CLTCL1: variants seen among roughly 807,000 people sequenced by gnomAD.
The protein encoded by CLTCL1 is clathrin heavy chain 2.
CLTCL1 carries 159 observed loss-of-function variants against 190.0 expected under a neutral mutation model. That is an observed-to-expected ratio of 0.84 (90% CI 0.74 to 0.95). The LOEUF is 0.95. Among genes scored for constraint, CLTCL1 ranks in the 40% least tolerant of loss-of-function variants. The pLI is 0.00. For missense variants in CLTCL1, 1,878 were observed against 2,033.4 expected (o/e 0.92, Z 1.47); for synonymous variants, 752 against 769.6 (o/e 0.98, Z 0.38).
intron 2 of CLTCL1, among the ~76,000 whole-genome samples, chr22:19,260,469 A>C (rs919623550): frequency 6.7e-6 from 1 of 148,732 alleles, no homozygotes; most frequent in Non-Finnish European, 1.5e-5. Context: ...AAAAATCCTA[A>C]GGCCCTTAAG....
chr22:19,233,483 C>G lies in CLTCL1; in HGVS notation c.1307G>C (p.Cys436Ser). 2 of 1,613,814 alleles carry G rather than the reference C, an allele frequency of 1.2e-6. 1 individual carries two copies. Among genetic ancestry groups the G allele is most frequent in the South Asian group, 2.2e-5 (2 of 91,062 alleles). Reference sequence around the variant, plus strand: ...ACGCCCCTGCTGAAGAACCAGATGGCAAAGTTCTAAGGATTCAAGTTTATT... The same window carrying G: ...ACGCCCCTGCTGAAGAACCAGATGGGAAAGTTCTAAGGATTCAAGTTTATT... Reference protein sequence around the residue: ...QLNKLESLELCHLVLQQGRKQ... With the variant: ...QLNKLESLELSHLVLQQGRKQ... Residue 436 changes from cysteine to serine, a missense_variant, in exon 8 of 33, where the codon TGC (cysteine) becomes TCC (serine). Transcript: ENST00000427926.
At chr22:19,181,926 G>A (rs2084153538) in intron 30 of CLTCL1, 1 of 152,242 alleles carries the variant, frequency 6.6e-6, no homozygotes, top group Non-Finnish European at 1.5e-5. Flanking sequence ...CCAAGGCTGT[G>A]CAGCCACAGT....
chr22:19,215,731 G>T (rs2085364550), intron 19 of CLTCL1, among the ~76,000 whole-genome samples: 1 of 152,178 alleles, frequency 6.6e-6, no homozygotes, highest in African/African-American at 2.4e-5. Flanking sequence ...GCCCAGATCT[G>T]GTTCTCCTGC....
At chr22:19,269,488 CAT>C (rs1345645946) in intron 2 of CLTCL1, among the ~76,000 whole-genome samples, 21 of 152,198 alleles carry the variant, frequency 1.4e-4, no homozygotes, top group Non-Finnish European at 2.6e-4. Flanking sequence ...CACATGCACA[CAT>C]ATGTTTATTG....
Position 19,275,564 on chromosome 22 carries a change from AG to A in CLTCL1, c.250+58del, listed in dbSNP as rs369861043. ...CTTAGTGACACTTGTTCAATATTTAAGGTAACAAAGCAGTTAAAATGAGGTA... is the reference window on the plus strand; with the variant it reads ...CTTAGTGACACTTGTTCAATATTTAAGTAACAAAGCAGTTAAAATGAGGTA... On this transcript the variant is annotated intron_variant, in intron 2 of 32. Coordinates refer to ENST00000427926, the MANE Select transcript of CLTCL1 (RefSeq NM_007098.4). 2.0e-6 allele frequency: 3 copies of A among 1,468,578 alleles called. No homozygotes were observed. In the African/African-American group the frequency reaches 4.2e-5, roughly 21 times the overall value. 91.0% of individuals were successfully genotyped at this position (1,468,578 alleles called of 1,614,324 possible). A position where few individuals can be genotyped will look rare whatever the true frequency, so the allele number is the denominator to read the frequency against.
chr22:19,257,893 G>A, intron 2 of CLTCL1: 1 of 1,369,014 alleles, frequency 7.3e-7, no homozygotes, highest in Non-Finnish European at 9.7e-7. Context: ...CCCCAGGTCA[G>A]AGACTGGGCC....
chr22:19,188,259 G>A (rs557803211), intron 27 of CLTCL1, among the ~76,000 whole-genome samples, 168 bp from the exon 28 acceptor site: 1 of 152,362 alleles, frequency 6.6e-6, no homozygotes, highest in African/African-American at 2.4e-5. Context: ...ACACAAAGAG[G>A]ACTGTCTGGG....
intron 2 of CLTCL1, among the ~76,000 whole-genome samples, chr22:19,270,726 C>CAAAAAAAAAAAA (rs35877753): frequency 1.3e-5 from 1 of 78,828 alleles, no homozygotes; most frequent in African/African-American, 5.1e-5. Flanking sequence ...GACTCCAACT[C>CAAAAAAAAAAAA]AAAAAAAAAA....
chr22:19,232,457 C>T lies in CLTCL1; in HGVS notation c.1644+19G>A, dbSNP rs1206554. 0.066 allele frequency: 106,664 copies of T among 1,613,434 alleles called. 3,742 individuals carry two copies. The highest frequency in any genetic ancestry group is 0.11 in the Middle Eastern group (655 of 6,050). On this transcript the variant is annotated intron_variant, in intron 10 of 32. Transcript: ENST00000427926. ...CTCTAAAAAGCCACAAAAAGTTGTC[C>T]AAAACTGCCTACGCTCACCTGGCTA...
At chr22:19,285,800 A>G (rs2087886248) in intron 1 of CLTCL1, among the ~76,000 whole-genome samples, 1 of 152,210 alleles carries the variant, frequency 6.6e-6, no homozygotes, top group South Asian at 2.1e-4. Flanking sequence ...GAAGGGGGTG[A>G]CAGGGTGCCA....
chr22:19,221,849 A>G, intron 16 of CLTCL1, 102 bp downstream of exon 16: 3 of 1,338,532 alleles, frequency 2.2e-6, no homozygotes, highest in Non-Finnish European at 2.1e-6. Flanking sequence ...AGATGTGTAC[A>G]TGAACGACCA....
At chr22:19,259,619 G>T (rs2086879446) in intron 2 of CLTCL1, among the ~76,000 whole-genome samples, 1 of 152,072 alleles carries the variant, frequency 6.6e-6, no homozygotes, top group African/African-American at 2.4e-5. Flanking sequence ...GTGTCACCAT[G>T]AACCACACAC....
chr22:19,191,834 G>A (rs1490165796), intron 26 of CLTCL1, among the ~76,000 whole-genome samples: 1 of 152,200 alleles, frequency 6.6e-6, no homozygotes, highest in Non-Finnish European at 1.5e-5. Flanking sequence ...CTCAGCCTGA[G>A]CCATAACCAA....
chr22:19,185,448 T>A (rs1224226520), intron 29 of CLTCL1, among the ~76,000 whole-genome samples: 1 of 151,826 alleles, frequency 6.6e-6, no homozygotes, highest in Non-Finnish European at 1.5e-5. Context: ...TGCCTCAGCC[T>A]CCTGAGTGGC....
At chr22:19,209,920 C>T (rs1227576924) in intron 20 of CLTCL1, among the ~76,000 whole-genome samples, 1 of 151,968 alleles carries the variant, frequency 6.6e-6, no homozygotes, top group African/African-American at 2.4e-5. Context: ...AAAGCTCCTG[C>T]TGAGGAGATG....
intron 2 of CLTCL1, 128 bp from the exon 3 acceptor site, chr22:19,254,355 C>G (rs2086687015): frequency 1.3e-6 from 1 of 763,050 alleles, no homozygotes; most frequent in African/African-American, 1.8e-5. Context: ...TTAACAGGGT[C>G]TGAAAGATGC....
chr22:19,257,127 A>C (rs1223108267), intron 2 of CLTCL1, among the ~76,000 whole-genome samples: 2 of 152,206 alleles, frequency 1.3e-5, no homozygotes, highest in Non-Finnish European at 2.9e-5. Flanking sequence ...AAGGACCTCA[A>C]ATAGCCAAAA....
At chr22:19,223,635 T>G (rs1198560636) in intron 14 of CLTCL1, among the ~76,000 whole-genome samples, 1 of 152,192 alleles carries the variant, frequency 6.6e-6, no homozygotes, top group African/African-American at 2.4e-5. Flanking sequence ...ATGGCACTAA[T>G]GGGATGTTGA....
At chr22:19,257,576 C>T (rs1422911432) in intron 2 of CLTCL1, 5 of 380,926 alleles carry the variant, frequency 1.3e-5, no homozygotes, top group African/African-American at 4.2e-5. Flanking sequence ...CCCTGGGATC[C>T]GTCCAGCCGC....
Sources: allele counts gnomAD v4.1 joint callset (sites outside exome capture counted in the v4.1 genomes callset), GRCh38; gene constraint gnomAD v4.1.1; transcripts MANE v1.5; gene names NCBI Gene and HGNC (gene_info 2026-07-23, HGNC 2026-07-21).